TCF3: variants seen among roughly 807,000 people sequenced by gnomAD.
The protein encoded by TCF3 is transcription factor E2-alpha.
TCF3 carries 54 observed loss-of-function variants against 72.3 expected under a neutral mutation model. The observed-to-expected ratio is 0.75, with a 90% CI of 0.60 to 0.94. The LOEUF (loss-of-function observed/expected upper bound fraction) is 0.94, where lower values mean the gene tolerates loss of function less well. TCF3 is among the 40% of genes least tolerant of loss of function. The probability of loss-of-function intolerance (pLI) is 0.00; values close to 1 mark genes in which losing one functional copy is unlikely to be tolerated. For missense variants in TCF3, 1,078 were observed against 934.4 expected, an observed-to-expected ratio of 1.15 and a Z score of -2.00; for synonymous variants, 525 against 412.6, an observed-to-expected ratio of 1.27 and a Z score of -3.30.
rs770477195 is a variant in TCF3, at chr19:1,646,442, G to T, written c.73-15C>A. Reference sequence around the variant, plus strand: ...AGCGGGAACATCTGCAGGGAGGGGAGGGGAGACGTGAGCGGGGCGGGTGGC... The same window carrying T: ...AGCGGGAACATCTGCAGGGAGGGGATGGGAGACGTGAGCGGGGCGGGTGGC... On this transcript the variant is annotated splice_polypyrimidine_tract_variant and intron_variant, in intron 2 of 18. Coordinates refer to ENST00000262965, the MANE Select transcript of TCF3 (RefSeq NM_003200.5). The T allele has an allele frequency of 6.5e-7, 1 of 1,549,646 alleles. No homozygotes were observed. The highest frequency in any genetic ancestry group is 8.7e-7 in the Non-Finnish European group (1 of 1,146,392).
intron 3 of TCF3, among the ~76,000 whole-genome samples, chr19:1,637,470 A>C (rs565737749): frequency 2.5e-4 from 38 of 152,254 alleles, no homozygotes; most frequent in African/African-American, 8.7e-4. Context: ...TTAAGTAACA[A>C]CTCAGAGAAA....
chr19:1,618,787 G>C (rs115475254), intron 16 of TCF3, among the ~76,000 whole-genome samples: 1 of 152,198 alleles, frequency 6.6e-6, no homozygotes, highest in Non-Finnish European at 1.5e-5. Flanking sequence ...TGTGCAGCGA[G>C]CTCCTGGTCT....
At chr19:1,613,749 C>T (rs560832343) in intron 18 of TCF3, among the ~76,000 whole-genome samples, 3 of 152,260 alleles carry the variant, frequency 2.0e-5, no homozygotes, top group South Asian at 4.1e-4. Flanking sequence ...CAGAAATGCA[C>T]CCGTCCCCTA....
chr19:1,615,828 C>G lies in TCF3; in HGVS notation c.1451-7G>C, dbSNP rs368167225. ...GCACCTGCTCGCCCTAGCCCTGCAA[C>G]AGGCCTAGGGTCAGGGGCCTGCGTC... On this transcript the variant is annotated splice_region_variant and splice_polypyrimidine_tract_variant and intron_variant, in intron 16 of 18. Coordinates refer to ENST00000262965, the MANE Select transcript of TCF3 (RefSeq NM_003200.5). This position sits in a 1 kb window ranked among gnomAD's most constrained non-coding sequence, Gnocchi z 7.3. 5.2e-6 allele frequency: 8 copies of G among 1,551,722 alleles called. No individual in the cohort carries two copies. Among genetic ancestry groups the G allele is most frequent in the Non-Finnish European group, 5.2e-6 (6 of 1,145,786 alleles).
chr19:1,622,411 T>C lies in TCF3; in HGVS notation c.554A>G (p.Tyr185Cys). Residue 185 changes from tyrosine (Y) to cysteine (C), a missense_variant, in exon 9 of 19, where the codon TAC (tyrosine) becomes TGC (cysteine). Coordinates refer to ENST00000262965, the MANE Select transcript of TCF3 (RefSeq NM_003200.5). ...GTAGTCCTCACCTGAGCTGGGTGGG[T>C]ACACCTGCGGGCGGGTGGGCGGTGG... ...KVPPGLPSSV[Y>C]PPSSGEDYGR... 1 of 960,992 alleles carries C rather than the reference T, an allele frequency of 1.0e-6. No individual in the cohort carries two copies. The highest frequency in any genetic ancestry group is 1.4e-6 in the Non-Finnish European group (1 of 705,326). The allele number at this position is 960,992 out of a possible 1,614,324, so 59.5% of individuals were successfully genotyped here.
At position 1,643,346 on chromosome 19, in the gene TCF3, G is replaced by A. The variant is rs10404526; in HGVS notation, c.145+3009C>T. 3.7e-3 allele frequency among the ~76,000 whole-genome samples: 566 copies of A among 151,374 alleles called. 3 individuals are homozygous for A. Among genetic ancestry groups the A allele is most frequent in the African/African-American group, 0.013 (529 of 41,234 alleles). Reference sequence around the variant, plus strand: ...AGCAATCCTCCTGCCTCAGCCTCCCGAGTAGCTGGGACCCCAAGTGTGCGC... The same window carrying A: ...AGCAATCCTCCTGCCTCAGCCTCCCAAGTAGCTGGGACCCCAAGTGTGCGC... On this transcript the variant is annotated intron_variant, in intron 3 of 18. Coordinates refer to ENST00000262965, the MANE Select transcript of TCF3 (RefSeq NM_003200.5).
intron 1 of TCF3, among the ~76,000 whole-genome samples, chr19:1,651,788 G>A (rs1469904968): frequency 2.0e-5 from 3 of 151,738 alleles, no homozygotes; most frequent in African/African-American, 4.8e-5. Context: ...CGGAGCAGAT[G>A]TTACCCGCGC....
chr19:1,610,813 C>A lies in TCF3; in HGVS notation c.*894G>T. Reference sequence around the variant, plus strand: ...CAGGGAAGCCCCAAGGTGCCTTCATCAGGGAACGCCCACGCATCACTTTCC... The same window carrying A: ...CAGGGAAGCCCCAAGGTGCCTTCATAAGGGAACGCCCACGCATCACTTTCC... On this transcript the variant is annotated 3_prime_UTR_variant, in exon 19 of 19. Transcript: ENST00000262965. 4.4e-6 allele frequency: 1 copy of A among 229,686 alleles called. No homozygotes were observed. Among genetic ancestry groups the A allele is most frequent in the East Asian group, 6.2e-5 (1 of 16,220 alleles). 14.2% of individuals were successfully genotyped at this position (229,686 alleles called of 1,614,324 possible).
At position 1,615,222 on chromosome 19, in the gene TCF3, G is replaced by A. The variant is rs370343809; in HGVS notation, c.1822+63C>T. The A allele has an allele frequency of 1.3e-5, 19 of 1,512,322 alleles. No homozygotes were observed. In the African/African-American group the frequency reaches 1.5e-4, roughly 12 times the overall value. 93.7% of individuals were successfully genotyped at this position (1,512,322 alleles called of 1,614,324 possible). On this transcript the variant is annotated intron_variant, in intron 18 of 18. Coordinates refer to ENST00000262965, the MANE Select transcript of TCF3 (RefSeq NM_003200.5). This position sits in a 1 kb window ranked among gnomAD's most constrained non-coding sequence, Gnocchi z 7.3. Reference sequence around the variant, plus strand: ...AGGAAGGCGGGCGGGGAAGGAGAACGAGGGCAGGAACACGAGGGAGGGTGG... The same window carrying A: ...AGGAAGGCGGGCGGGGAAGGAGAACAAGGGCAGGAACACGAGGGAGGGTGG...
rs1599469767 is a variant in TCF3, at chr19:1,615,139, G to C, written c.1822+146C>G. 8.4e-6 allele frequency: 8 copies of C among 958,008 alleles called. No homozygotes were observed. The highest frequency in any genetic ancestry group is 2.6e-5 in the East Asian group (1 of 37,832). 59.3% of individuals were successfully genotyped at this position (958,008 alleles called of 1,614,324 possible). A position where few individuals can be genotyped will look rare whatever the true frequency, so the allele number is the denominator to read the frequency against. ...GGACAGTCATGGCAATGCGGTCAGA[G>C]GGGTGAAGGGCACAGTCACTGCAAG... On this transcript the variant is annotated intron_variant, in intron 18 of 18. Coordinates refer to ENST00000262965, the MANE Select transcript of TCF3 (RefSeq NM_003200.5). The surrounding 1 kb of genome is among the most constrained non-coding windows in gnomAD (Gnocchi z 7.3).
chr19:1,626,617 C>G, intron 6 of TCF3, among the ~76,000 whole-genome samples: 1 of 152,130 alleles, frequency 6.6e-6, no homozygotes, highest in Non-Finnish European at 1.5e-5. Context: ...GAGCAGGGCC[C>G]GAGCCCTAGT....
intron 3 of TCF3, among the ~76,000 whole-genome samples, chr19:1,638,557 C>A (rs376020755): frequency 2.8e-4 from 42 of 152,230 alleles, no homozygotes; most frequent in African/African-American, 9.4e-4. Flanking sequence ...TTAAAAGTAG[C>A]AATTTATTGG....
At chr19:1,619,067 C>T in intron 16 of TCF3, 44 bp downstream of exon 16, 2 of 1,598,336 alleles carry the variant, frequency 1.3e-6, no homozygotes, top group South Asian at 2.2e-5. Context: ...TCAGTTTCCC[C>T]AACTGGAACC....
intron 3 of TCF3, among the ~76,000 whole-genome samples, chr19:1,645,623 G>C (rs1388548614): frequency 6.6e-6 from 1 of 152,134 alleles, no homozygotes; most frequent in Non-Finnish European, 1.5e-5. Context: ...ACCTTCACTA[G>C]AGGTCCCGCT....
chr19:1,648,367 G>C (rs2066454840), intron 2 of TCF3, among the ~76,000 whole-genome samples: 1 of 152,158 alleles, frequency 6.6e-6, no homozygotes, highest in Non-Finnish European at 1.5e-5. Context: ...GGGACGCCCG[G>C]AGAGGACGGG....
At chr19:1,640,940 G>A (rs2065147375) in intron 3 of TCF3, among the ~76,000 whole-genome samples, 1 of 152,180 alleles carries the variant, frequency 6.6e-6, no homozygotes, top group Non-Finnish European at 1.5e-5. Flanking sequence ...CTGGAGGTCA[G>A]GAGTTTGAGA....
intron 3 of TCF3, among the ~76,000 whole-genome samples, chr19:1,633,407 T>G (rs1166805974): frequency 1.3e-5 from 2 of 152,018 alleles, no homozygotes; most frequent in Non-Finnish European, 2.9e-5. Flanking sequence ...CCCAGCCCAG[T>G]GCTGATGTCT....
chr19:1,635,203 T>C lies in TCF3; in HGVS notation c.146-2798A>G, dbSNP rs114825772. On this transcript the variant is annotated intron_variant, in intron 3 of 18. Transcript: ENST00000262965. Reference sequence around the variant, plus strand: ...TCATCCTATAGCCCCAGCTCTGCAATGTGCCCCCACTCAGGTGCTCAGGCT... The same window carrying C: ...TCATCCTATAGCCCCAGCTCTGCAACGTGCCCCCACTCAGGTGCTCAGGCT... 6.1e-3 allele frequency among the ~76,000 whole-genome samples: 934 copies of C among 152,302 alleles called. 16 individuals are homozygous for C. The highest frequency in any genetic ancestry group is 0.021 in the African/African-American group (881 of 41,552).
chr19:1,623,636 G>A (rs572548492), intron 8 of TCF3, among the ~76,000 whole-genome samples: 3 of 151,950 alleles, frequency 2.0e-5, no homozygotes, highest in Admixed American at 6.6e-5. Flanking sequence ...CACCCACCTC[G>A]GCCTCCCAAA....
Sources: gnomAD v4.1 joint callset for allele counts (sites outside exome capture counted in the v4.1 genomes callset) on GRCh38, gnomAD v4.1.1 for gene constraint, Gnocchi (gnomAD v3.1) non-coding constraint, MANE v1.5 for transcripts, NCBI Gene and HGNC (gene_info 2026-07-23, HGNC 2026-07-21) for gene names.